PCCA: variants seen among roughly 807,000 people sequenced by gnomAD.
PCCA encodes the protein propionyl-CoA carboxylase subunit alpha.
A neutral mutation model predicts 101.3 loss-of-function variants in PCCA; 74 were observed. The ratio of observed to expected loss-of-function variants is 0.73; its 90% CI spans 0.61 to 0.89. The LOEUF is 0.89. Ranked by LOEUF, PCCA falls within the 40% of genes least tolerant of loss-of-function variation. The pLI, the probability that PCCA is intolerant of heterozygous loss-of-function variation, is 0.00. For missense variants in PCCA, 891 were observed against 907.0 expected, an observed-to-expected ratio of 0.98 and a Z score of 0.23; for synonymous variants, 294 against 313.6, an observed-to-expected ratio of 0.94 and a Z score of 0.66.
At chr13:100,305,205 AC>A (rs796919938) in intron 14 of PCCA, among the ~76,000 whole-genome samples, 23 of 152,336 alleles carry the variant, frequency 1.5e-4, no homozygotes, top group African/African-American at 4.3e-4. Context: ...ATACAAAGAT[AC>A]GTGTTTATAT....
chr13:100,177,193 T>G (rs1420644085), intron 6 of PCCA, among the ~76,000 whole-genome samples: 2 of 152,228 alleles, frequency 1.3e-5, no homozygotes, highest in East Asian at 3.8e-4. Context: ...AATTTTGCAA[T>G]GCTAAGCAAC....
intron 12 of PCCA, among the ~76,000 whole-genome samples, chr13:100,281,703 C>T (rs2064135060): frequency 6.6e-6 from 1 of 152,110 alleles, no homozygotes; most frequent in African/African-American, 2.4e-5. Context: ...TTTTTTTTAA[C>T]ATACTAATTT....
At chr13:100,111,411 T>C (rs900143294) in intron 2 of PCCA, among the ~76,000 whole-genome samples, 1 of 152,044 alleles carries the variant, frequency 6.6e-6, no homozygotes, top group Admixed American at 6.5e-5. Context: ...TCCACCTGCC[T>C]TGGCCTCCCA....
At chr13:100,527,873 AGAG>A in intron 23 of PCCA, 121 bp downstream of exon 23, 1 of 778,788 alleles carries the variant, frequency 1.3e-6, no homozygotes, top group Non-Finnish European at 2.3e-6. Flanking sequence ...TCGCTTCTAC[AGAG>A]GAGGACGTTA....
intron 6 of PCCA, among the ~76,000 whole-genome samples, chr13:100,194,699 G>A (rs547292250): frequency 9.9e-4 from 151 of 152,264 alleles, no homozygotes; most frequent in African/African-American, 3.1e-3. Context: ...GATTACAGGC[G>A]TGAGCCACTG....
chr13:100,434,468 T>A (rs1183198419), intron 20 of PCCA, among the ~76,000 whole-genome samples: 2 of 151,958 alleles, frequency 1.3e-5, no homozygotes, highest in Admixed American at 1.3e-4. Context: ...AAGAACCAGG[T>A]TTTCTGGGGC....
At chr13:100,456,144 T>C (rs570435746) in intron 21 of PCCA, among the ~76,000 whole-genome samples, 40 of 152,348 alleles carry the variant, frequency 2.6e-4, no homozygotes, top group African/African-American at 9.6e-4. Context: ...TATCCTGATA[T>C]TAATGAAGTA....
intron 21 of PCCA, among the ~76,000 whole-genome samples, chr13:100,510,020 A>G (rs773905249): frequency 1.3e-5 from 2 of 152,162 alleles, no homozygotes; most frequent in Non-Finnish European, 2.9e-5. Flanking sequence ...TACACATTCC[A>G]TGTTTTTATA....
chr13:100,361,496 A>G (rs2074591679), intron 18 of PCCA, among the ~76,000 whole-genome samples: 1 of 152,000 alleles, frequency 6.6e-6, no homozygotes, highest in Non-Finnish European at 1.5e-5. Flanking sequence ...AAGAAAATTC[A>G]TAAGCAAACC....
intron 19 of PCCA, among the ~76,000 whole-genome samples, chr13:100,405,276 G>A (rs1006922083): frequency 4.6e-5 from 7 of 152,184 alleles, no homozygotes; most frequent in Non-Finnish European, 5.9e-5. Flanking sequence ...TAATTGCTCA[G>A]AACTAGAATA....
intron 10 of PCCA, among the ~76,000 whole-genome samples, chr13:100,267,296 T>G (rs2063003694): frequency 1.3e-5 from 2 of 152,354 alleles, no homozygotes; most frequent in South Asian, 4.1e-4. Flanking sequence ...CAGCCACCTT[T>G]GAGTCTTAGA....
chr13:100,415,331 C>G (rs2078297495), intron 19 of PCCA, among the ~76,000 whole-genome samples: 1 of 152,074 alleles, frequency 6.6e-6, no homozygotes, highest in South Asian at 2.1e-4. Context: ...TGCTTGAGCC[C>G]AGGGGGTTGA....
chr13:100,261,575 A>G (rs2152563582), intron 9 of PCCA, among the ~76,000 whole-genome samples: 1 of 152,246 alleles, frequency 6.6e-6, no homozygotes, highest in African/African-American at 2.4e-5. Flanking sequence ...CATGTTGGCC[A>G]GGCTGGTCTC....
chr13:100,091,920 C>A (rs1165657355), intron 1 of PCCA, among the ~76,000 whole-genome samples: 1 of 151,722 alleles, frequency 6.6e-6, no homozygotes, highest in African/African-American at 2.4e-5. Flanking sequence ...CATGATTTTT[C>A]TTTGCTTTTC....
intron 18 of PCCA, among the ~76,000 whole-genome samples, chr13:100,347,837 G>T (rs2072512503): frequency 6.6e-6 from 1 of 151,666 alleles, no homozygotes; most frequent in Non-Finnish European, 1.5e-5. Context: ...TTTATTTTCT[G>T]TTGAAAAAAA....
At chr13:100,308,507 G>A (rs1053195338) in intron 15 of PCCA, among the ~76,000 whole-genome samples, 2 of 151,662 alleles carry the variant, frequency 1.3e-5, no homozygotes, top group African/African-American at 2.4e-5. Flanking sequence ...TATATCTTTT[G>A]TAGAAATGGG....
chr13:100,228,355 A>C (rs2060272628), intron 7 of PCCA, among the ~76,000 whole-genome samples: 1 of 152,128 alleles, frequency 6.6e-6, no homozygotes, highest in South Asian at 2.1e-4. Flanking sequence ...ATTATTATGT[A>C]ATGTGTCAGA....
intron 19 of PCCA, among the ~76,000 whole-genome samples, chr13:100,410,190 C>T (rs913551486): frequency 2.6e-5 from 4 of 152,168 alleles, no homozygotes; most frequent in Non-Finnish European, 5.9e-5. Context: ...GACTAATTAT[C>T]TATTTTCCTT....
At chr13:100,334,705 T>C (rs2070168355) in intron 17 of PCCA, among the ~76,000 whole-genome samples, 1 of 152,122 alleles carries the variant, frequency 6.6e-6, no homozygotes, top group South Asian at 2.1e-4. Context: ...AAGGAATAAA[T>C]GGAAGTATCT....
Sources: allele counts gnomAD v4.1 joint callset (sites outside exome capture counted in the v4.1 genomes callset), GRCh38; gene constraint gnomAD v4.1.1; transcripts MANE v1.5; gene names NCBI Gene and HGNC (gene_info 2026-07-23, HGNC 2026-07-21).